LSS: variants seen among roughly 807,000 people sequenced by gnomAD.
LSS encodes 2,3-epoxysqualene-lanosterol cyclase.
A neutral mutation model predicts 110.3 loss-of-function variants in LSS; 90 were observed. The observed-to-expected ratio is 0.82, with a 90% CI of 0.69 to 0.97. The LOEUF is 0.97. Among genes scored for constraint, LSS ranks in the 50% least tolerant of loss-of-function variants. The pLI is 0.00. For missense variants in LSS, 927 were observed against 990.0 expected, an observed-to-expected ratio of 0.94 and a Z score of 0.85; for synonymous variants, 433 against 400.0, an observed-to-expected ratio of 1.08 and a Z score of -0.98.
rs1277587572 is a variant in LSS at position 46,216,094 on chromosome 21, G to A, written c.783+295C>T. On this transcript the variant is annotated intron_variant, in intron 7 of 21. Transcript: ENST00000397728. The surrounding 1 kb of genome is among the most constrained non-coding windows in gnomAD (Gnocchi z 4.2). The stretch of plus-strand genomic sequence containing the variant: ...TCCTGCACCTCAAACCTCGCCTCAG[G>A]CCTGCTTCCAGAGGACACAGTGCAC... Among the ~76,000 whole-genome samples, 1 of 152,086 alleles carries A rather than the reference G, an allele frequency of 6.6e-6. No homozygotes were observed. Among genetic ancestry groups the A allele is most frequent in the Admixed American group, 6.5e-5 (1 of 15,272 alleles).
chr21:46,207,677 C>T (rs2080071057), intron 14 of LSS, 100 bp from the exon 15 acceptor site: 12 of 1,386,992 alleles, frequency 8.7e-6, no homozygotes, highest in South Asian at 4.0e-5. Context: ...ACAGAGCACC[C>T]GGTCAGGGCA....
At position 46,188,501 on chromosome 21, in the gene LSS, C is replaced by G. The variant is rs2079760752; in HGVS notation, c.*2603G>C. ...GGCAAATATCCCCCTCAGACAGAGG[C>G]TGCACCGGTACAGCTGCCATCTCCT... On this transcript the variant is annotated 3_prime_UTR_variant, in exon 22 of 22. Transcript: ENST00000397728. 3 of 380,418 alleles carry G rather than the reference C, an allele frequency of 7.9e-6. No homozygotes were observed. The Admixed American group carries it at 9.9e-5, about 13-fold the overall frequency. 23.6% of individuals were successfully genotyped at this position (380,418 alleles called of 1,614,324 possible).
At chr21:46,200,986 A>T (rs1017169908) in intron 17 of LSS, among the ~76,000 whole-genome samples, 2 of 152,220 alleles carry the variant, frequency 1.3e-5, no homozygotes, top group Admixed American at 6.5e-5. Flanking sequence ...GGCCTGGATC[A>T]TGTGGGAAGA....
intron 17 of LSS, among the ~76,000 whole-genome samples, chr21:46,199,147 C>T (rs1025416333): frequency 6.6e-6 from 1 of 152,150 alleles, no homozygotes; most frequent in African/African-American, 2.4e-5. Context: ...TGATAAAGGA[C>T]TGGCAGCCAA....
intron 6 of LSS, among the ~76,000 whole-genome samples, chr21:46,218,727 CT>C (rs550015362): frequency 2.0e-3 from 268 of 137,028 alleles, no homozygotes; most frequent in African/African-American, 2.5e-3. Context: ...AAACACTGAT[CT>C]TTTTTTTTTT....
chr21:46,206,701 AGCAAGTGCCCCCCAC>A lies in LSS; in HGVS notation c.1520_1534del (p.Arg507_Leu511del). 2.5e-6 allele frequency: 4 copies of A among 1,613,090 alleles called. No homozygotes were observed. The highest frequency in any genetic ancestry group is 3.4e-6 in the Non-Finnish European group (4 of 1,179,994). Reference sequence around the variant, plus strand: ...GACCTCCGAGGGGTTCAGCAGCTCCAGCAAGTGCCCCCCACGCTTGGTCTCATAGGTGGCGAACCC... The same window carrying A: ...GACCTCCGAGGGGTTCAGCAGCTCCAGCTTGGTCTCATAGGTGGCGAACCC... On this transcript the variant is annotated inframe_deletion, in exon 16 of 22. Transcript: ENST00000397728.
chr21:46,210,643 A>C (rs1162673488), intron 12 of LSS, 45 bp downstream of exon 12: 2 of 1,602,338 alleles, frequency 1.2e-6, no homozygotes, highest in Non-Finnish European at 1.7e-6. Flanking sequence ...GCTCACGTGC[A>C]CAGGAAGGTC....
At chr21:46,228,702 T>C in intron 1 of LSS, 30 bp downstream of exon 1, 1 of 1,602,790 alleles carries the variant, frequency 6.2e-7, no homozygotes, top group South Asian at 1.1e-5. Flanking sequence ...CACCCCGCAT[T>C]CGTCAGGAGC....
In LSS at chr21:46,213,029, A is replaced by T. The variant is rs2080153725; in HGVS notation, c.1133T>A (p.Met378Lys). 1 of 1,613,894 alleles carries T rather than the reference A, an allele frequency of 6.2e-7. No individual in the cohort carries two copies. Among genetic ancestry groups the T allele is most frequent in the Middle Eastern group, 1.7e-4 (1 of 5,938 alleles). The change falls in exon 11 of 22, where the codon ATG becomes AAG. Residue 378 changes from methionine to lysine, a missense_variant. Transcript: ENST00000397728. Reference sequence around the variant, plus strand: ...CCGCAGTCCCGCAGCCCTTACCTGCATTTTCATGCCGTCAAGGCCCATCCT... The same window carrying T: ...CCGCAGTCCCGCAGCCCTTACCTGCTTTTTCATGCCGTCAAGGCCCATCCT... The part of the protein sequence containing the change: ...YLWMGLDGMK[M>K]QGTNGSQIWD...
At chr21:46,208,777 G>GGCAGGA (rs1211369006) in intron 13 of LSS, among the ~76,000 whole-genome samples, 1 of 152,306 alleles carries the variant, frequency 6.6e-6, no homozygotes, top group East Asian at 1.9e-4. Flanking sequence ...CTGGGCAGGA[G>GGCAGGA]GCAGGAGCAG....
Position 46,209,925 on chromosome 21 carries a change from C to T in LSS, c.1195-300G>A, listed in dbSNP as rs2080106443. Among the ~76,000 whole-genome samples, 1 of 152,200 alleles carries T rather than the reference C, an allele frequency of 6.6e-6. No homozygotes were observed. The highest frequency in any genetic ancestry group is 1.5e-5 in the Non-Finnish European group (1 of 68,038). On this transcript the variant is annotated intron_variant, in intron 12 of 21. Coordinates refer to ENST00000397728, the MANE Select transcript of LSS (RefSeq NM_002340.6). The surrounding 1 kb of genome is among the most constrained non-coding windows in gnomAD (Gnocchi z 4.4). Reference sequence around the variant, plus strand: ...TCTCCAGCACCCTGTGTAGGCAGGCCCTTTGCGTGGCCCAGCCCTCAGGGC... The same window carrying T: ...TCTCCAGCACCCTGTGTAGGCAGGCTCTTTGCGTGGCCCAGCCCTCAGGGC...
At chr21:46,221,762 G>C in intron 5 of LSS, 92 bp downstream of exon 5, 1 of 1,568,212 alleles carries the variant, frequency 6.4e-7, no homozygotes, top group Non-Finnish European at 8.7e-7. Context: ...CACTGTTTCA[G>C]CTGCAAGTGC....
intron 17 of LSS, among the ~76,000 whole-genome samples, chr21:46,198,031 AAT>A (rs1382564851): frequency 2.0e-5 from 3 of 152,202 alleles, no homozygotes; most frequent in African/African-American, 7.2e-5. Flanking sequence ...AAAGGACACA[AAT>A]ATATAATCAT....
In LSS at chr21:46,221,983, A is replaced by T; in HGVS notation, c.429-8T>A. 1 of 1,614,090 alleles carries T rather than the reference A, an allele frequency of 6.2e-7. No homozygotes were observed. The highest frequency in any genetic ancestry group is 8.5e-7 in the Non-Finnish European group (1 of 1,179,978). ...GACTTATCCTCAATGTGCCTACAGG[A>T]GCAGAGGACAGGTGAGAAACCGGTA... On this transcript the variant is annotated splice_region_variant and splice_polypyrimidine_tract_variant and intron_variant, in intron 4 of 21. Transcript: ENST00000397728.
intron 3 of LSS, among the ~76,000 whole-genome samples, chr21:46,223,833 C>T (rs916031237): frequency 6.6e-6 from 1 of 152,312 alleles, no homozygotes; most frequent in East Asian, 1.9e-4. Flanking sequence ...GTAACGCCAG[C>T]GTCTGGGAAG....
At chr21:46,212,000 C>T (rs1010365077) in intron 11 of LSS, among the ~76,000 whole-genome samples, 5 of 151,946 alleles carry the variant, frequency 3.3e-5, no homozygotes, top group East Asian at 1.9e-4. Flanking sequence ...AAAACACAGA[C>T]GCCCTCATCA....
intron 20 of LSS, chr21:46,192,731 G>A (rs113932475): frequency 3.8e-5 from 17 of 450,836 alleles, no homozygotes; most frequent in Non-Finnish European, 7.1e-5. Flanking sequence ...GGCACAGATG[G>A]GATACTGCGG....
In LSS at chr21:46,228,491, G is replaced by A. The variant is rs1569040146; in HGVS notation, c.123C>T (p.Asp41=). 1.2e-5 allele frequency: 20 copies of A among 1,603,132 alleles called. No individual in the cohort carries two copies. Among genetic ancestry groups the A allele is most frequent in the Non-Finnish European group, 1.7e-5 (20 of 1,179,562 alleles). Residue 41 remains aspartate (D), a synonymous_variant, in exon 2 of 22, where the codon GAC becomes GAT. Coordinates refer to ENST00000397728, the MANE Select transcript of LSS (RefSeq NM_002340.6). The stretch of plus-strand genomic sequence containing the variant: ...CGGTCTGCTCGCGGCCGGCGCGCTC[G>A]TCCTGCAGGTAGGTCCACGTCTGCC... ...RGRQTWTYLQ[D]ERAGREQTGL...
Position 46,216,039 on chromosome 21 carries a change from C to A in LSS, c.784-246G>T, listed in dbSNP as rs2080203093. Among the ~76,000 whole-genome samples the A allele has an allele frequency of 6.6e-6, 1 of 152,182 alleles. No homozygotes were observed. Among genetic ancestry groups the A allele is most frequent in the Admixed American group, 6.5e-5 (1 of 15,284 alleles). On this transcript the variant is annotated intron_variant, in intron 7 of 21. Transcript: ENST00000397728. This position sits in a 1 kb window ranked among gnomAD's most constrained non-coding sequence, Gnocchi z 4.2. ...AAGCTCATTTCCTCCCTCTGCCCCT[C>A]CTTCTTCCCCATGGCAGGCCTGATA...
Sources: allele counts gnomAD v4.1 joint callset (sites outside exome capture counted in the v4.1 genomes callset), GRCh38; gene constraint gnomAD v4.1.1; non-coding constraint Gnocchi (gnomAD v3.1); transcripts MANE v1.5; gene names NCBI Gene and HGNC (gene_info 2026-07-23, HGNC 2026-07-21).